The following NLRP7 variants were observed in gnomAD, a reference collection of about 807,000 sequenced individuals.
NLRP7 encodes the protein NLR family pyrin domain containing 7.
In NLRP7, 72 loss-of-function variants were observed where a neutral mutation model predicts 85.5. The observed-to-expected ratio is 0.84, with a 90% CI of 0.70 to 1.02. The LOEUF is 1.02. Ranked by LOEUF, NLRP7 falls within the 50% of genes least tolerant of loss-of-function variation. The pLI, the probability that NLRP7 is intolerant of heterozygous loss-of-function variation, is 0.00. For missense variants in NLRP7, 1,243 were observed against 1,219.5 expected, an observed-to-expected ratio of 1.02 and a Z score of -0.29; for synonymous variants, 550 against 505.2, an observed-to-expected ratio of 1.09 and a Z score of -1.19.
intron 9 of NLRP7, among the ~76,000 whole-genome samples, chr19:54,928,117 GGC>G (rs2068525075): frequency 6.6e-6 from 1 of 152,162 alleles, no homozygotes; most frequent in Non-Finnish European, 1.5e-5. Context: ...CTACTTGGGA[GGC>G]TGAGGCACAA....
chr19:54,944,433 C>T (rs140597506), intron 1 of NLRP7, among the ~76,000 whole-genome samples: 21 of 152,258 alleles, frequency 1.4e-4, no homozygotes, highest in African/African-American at 4.8e-4. Context: ...ACATGTTTTC[C>T]TGCTGACCCT....
chr19:54,947,441 A>G, intron 1 of NLRP7, 28 bp downstream of exon 1: 1 of 1,287,420 alleles, frequency 7.8e-7, no homozygotes, highest in Non-Finnish European at 1.0e-6. Context: ...GAGAAGACAA[A>G]GAAATCGATG....
At chr19:54,954,610 C>T (rs1039578261) in intron 1 of NLRP7, among the ~76,000 whole-genome samples, 5 of 151,862 alleles carry the variant, frequency 3.3e-5, no homozygotes, top group Admixed American at 1.3e-4. Flanking sequence ...TTTGGGAGGC[C>T]GAGGCGGGCA....
At chr19:54,939,449 T>C in exon 4 of NLRP7, 1 of 1,613,738 alleles carries the variant, frequency 6.2e-7, no homozygotes, top group Non-Finnish European at 8.5e-7. Context: ...GGAGACTCTG[T>C]CCTGGCGGAG....
intron 1 of NLRP7, among the ~76,000 whole-genome samples, chr19:54,943,751 G>A (rs1414833181): frequency 6.6e-6 from 1 of 152,138 alleles, no homozygotes; most frequent in Non-Finnish European, 1.5e-5. Context: ...GGAAAAGGAG[G>A]ACAGATCAGA....
chr19:54,956,007 G>C (rs577545707), intron 1 of NLRP7, among the ~76,000 whole-genome samples: 2 of 151,940 alleles, frequency 1.3e-5, no homozygotes, highest in Non-Finnish European at 2.9e-5. Flanking sequence ...AACTGTGATC[G>C]TGCATGCCTG....
At chr19:54,961,854 G>C (rs2070053301) in intron 1 of NLRP7, among the ~76,000 whole-genome samples, 1 of 151,154 alleles carries the variant, frequency 6.6e-6, no homozygotes, top group Non-Finnish European at 1.5e-5. Flanking sequence ...TTATGGTAGG[G>C]TGTCCATATT....
chr19:54,942,255 CAAAAA>C (rs576434793), intron 1 of NLRP7, among the ~76,000 whole-genome samples: 11,452 of 58,876 alleles, frequency 0.19, 314 homozygotes, highest in African/African-American at 0.2. Flanking sequence ...GACTCCGTCT[CAAAAA>C]AAAAAAAAAA....
intron 1 of NLRP7, among the ~76,000 whole-genome samples, chr19:54,959,019 T>G (rs2069946952): frequency 6.6e-6 from 1 of 152,174 alleles, no homozygotes; most frequent in Non-Finnish European, 1.5e-5. Flanking sequence ...AGTCATGAGT[T>G]GATTTTTATC....
In NLRP7 at chr19:54,958,657, T is replaced by C. The variant is rs139131220; in HGVS notation, c.-77+7383A>G. 1.7e-4 allele frequency among the ~76,000 whole-genome samples: 25 copies of C among 148,948 alleles called. No homozygotes were observed. In the East Asian group the frequency reaches 3.4e-3, roughly 20 times the overall value. ...GAGACTCTGTCTCAAATAATAATAA[T>C]AATAATAACTAGTGGCCAGGCACAG... On this transcript the variant is annotated intron_variant, in intron 1 of 2. Transcript: ENST00000587103.
In NLRP7 at chr19:54,930,596, G is replaced by A. The variant is rs779014649; in HGVS notation, c.2713C>T (p.Leu905Phe). 6 of 1,612,028 alleles carry A rather than the reference G, an allele frequency of 3.7e-6. No individual in the cohort carries two copies. The South Asian group carries it at 5.5e-5, about 15-fold the overall frequency. ...TTGATACTCAAGTCCAGGTTTGTGA[G>A]GCTGCAGGCTTCTTGGAGCGCCTCT... is the stretch of plus-strand genomic sequence containing the variant. The change falls in exon 9 of 10, where the codon CTC becomes TTC. Residue 905 changes from leucine (L) to phenylalanine (F), a missense_variant. By Grantham distance (22) the Leu-to-Phe change is conservative. Coordinates refer to ENST00000340844, the Ensembl canonical transcript of NLRP7.
intron 5 of NLRP7, 81 bp downstream of exon 5, chr19:54,937,963 C>A: frequency 2.0e-6 from 2 of 988,362 alleles, no homozygotes; most frequent in Non-Finnish European, 3.2e-6. Flanking sequence ...TGAAACAGCA[C>A]ATTTCCAAAT....
Position 54,942,494 on chromosome 19 carries a change from C to T in NLRP7, c.-39-744G>A, listed in dbSNP as rs556047598. Reference sequence around the variant, plus strand: ...ATCCCAGCACTTTGGGAGGCCAAGGCGGGTGGATAACCTGAGGTCGGGAGC... The same window carrying T: ...ATCCCAGCACTTTGGGAGGCCAAGGTGGGTGGATAACCTGAGGTCGGGAGC... On this transcript the variant is annotated intron_variant, in intron 1 of 9. Coordinates refer to ENST00000340844, the Ensembl canonical transcript of NLRP7. Among the ~76,000 whole-genome samples, 104 of 152,082 alleles carry T rather than the reference C, an allele frequency of 6.8e-4. 2 individuals are homozygous for T. Among genetic ancestry groups the T allele is most frequent in the Non-Finnish European group, 1.4e-3 (92 of 67,976 alleles).
At chr19:54,930,631 C>A (rs1176584569) in exon 9 of NLRP7, 1 of 1,613,388 alleles carries the variant, frequency 6.2e-7, no homozygotes, top group Non-Finnish European at 8.5e-7. Context: ...TGAGAGATAT[C>A]TACAGCCAAG....
intron 4 of NLRP7, 88 bp downstream of exon 4, chr19:54,938,800 C>G: frequency 1.4e-6 from 2 of 1,438,692 alleles, no homozygotes; most frequent in Non-Finnish European, 1.9e-6. Flanking sequence ...AGAAGTCCAG[C>G]CAGAGGGAAA....
At chr19:54,939,941 G>C in exon 4 of NLRP7, 1 of 1,614,102 alleles carries the variant, frequency 6.2e-7, no homozygotes, top group Non-Finnish European at 8.5e-7. Flanking sequence ...GGCTGCCCTG[G>C]GTAACATCTT....
chr19:54,930,408 G>A (rs2068625783), intron 9 of NLRP7, 91 bp downstream of exon 9: 3 of 877,460 alleles, frequency 3.4e-6, no homozygotes, highest in Non-Finnish European at 3.7e-6. Context: ...GCCGCAGTGA[G>A]CCGTAATCAC....
intron 9 of NLRP7, among the ~76,000 whole-genome samples, chr19:54,929,352 G>A (rs1183242384): frequency 3.9e-5 from 6 of 151,910 alleles, no homozygotes; most frequent in South Asian, 2.1e-4. Flanking sequence ...GTGACAAAGC[G>A]AGACTCTGTC....
chr19:54,947,704 G>A, upstream of NLRP7: 2 of 1,197,700 alleles, frequency 1.7e-6, no homozygotes, highest in Admixed American at 4.6e-5. Context: ...AGTGGGCTTT[G>A]GAGAATTACG....
Sources: allele counts gnomAD v4.1 joint callset (sites outside exome capture counted in the v4.1 genomes callset), GRCh38; gene constraint gnomAD v4.1.1; transcripts MANE v1.5; gene names NCBI Gene and HGNC (gene_info 2026-07-23, HGNC 2026-07-21).